Variants in PTPRK observed in about 807,000 individuals in gnomAD.
PTPRK encodes the protein receptor-type tyrosine-protein phosphatase kappa.
PTPRK carries 75 observed loss-of-function variants against 178.0 expected under a neutral mutation model. That is an observed-to-expected ratio of 0.42 (90% CI 0.35 to 0.51). The LOEUF (loss-of-function observed/expected upper bound fraction) is 0.51, where lower values mean the gene tolerates loss of function less well. Among genes scored for constraint, PTPRK ranks in the 20% least tolerant of loss-of-function variants. The pLI is 0.02. For synonymous variants in PTPRK, 637 were observed against 620.6 expected (o/e 1.03, Z -0.39); for missense variants, 1,441 against 1,797.8 (o/e 0.80, Z 3.59).
At chr6:128,360,660 C>CCCTG (rs1471502434) in intron 2 of PTPRK, among the ~76,000 whole-genome samples, 1 of 151,936 alleles carries the variant, frequency 6.6e-6, no homozygotes, top group Admixed American at 6.6e-5. Context: ...TGTTCATAAT[C>CCCTG]CAGGACCTAA....
chr6:128,482,110 G>T, intron 1 of PTPRK, among the ~76,000 whole-genome samples: 1 of 152,030 alleles, frequency 6.6e-6, no homozygotes, highest in East Asian at 1.9e-4. Flanking sequence ...TTTAGGACTT[G>T]CCCCTAGCAG....
chr6:128,169,122 G>C (rs1320422260), intron 7 of PTPRK, among the ~76,000 whole-genome samples: 3 of 151,982 alleles, frequency 2.0e-5, no homozygotes, highest in East Asian at 3.9e-4. Flanking sequence ...ACATTAAGTA[G>C]ACAGACAAAA....
At chr6:128,137,089 TATAACC>T (rs1387156318) in intron 7 of PTPRK, among the ~76,000 whole-genome samples, 1 of 152,186 alleles carries the variant, frequency 6.6e-6, no homozygotes, top group Admixed American at 6.5e-5. Flanking sequence ...GGGGACAAAA[TATAACC>T]ATGTCCCCTC....
At chr6:128,387,035 T>C (rs912857649) in intron 2 of PTPRK, among the ~76,000 whole-genome samples, 6 of 152,146 alleles carry the variant, frequency 3.9e-5, no homozygotes, top group Non-Finnish European at 8.8e-5. Flanking sequence ...ACCACTGCAC[T>C]CCAGCCTGGG....
intron 1 of PTPRK, among the ~76,000 whole-genome samples, chr6:128,458,013 C>A (rs1341597): frequency 0.051 from 7,751 of 152,174 alleles, 327 homozygotes; most frequent in African/African-American, 0.12. Context: ...ACACCTTATA[C>A]TGTCAAATAT....
rs1812461944 is a variant in PTPRK, at chr6:128,232,437, A to G, written c.693+7598T>C. Among the ~76,000 whole-genome samples the G allele has an allele frequency of 2.6e-5, 4 of 152,286 alleles. No individual in the cohort carries two copies. The South Asian group carries it at 8.3e-4, about 32-fold the overall frequency. Reference sequence around the variant, plus strand: ...AGGCTCAAATGTCTTCTACATCTCTAGCATATGCTTACCCAGATTATGCTT... The same window carrying G: ...AGGCTCAAATGTCTTCTACATCTCTGGCATATGCTTACCCAGATTATGCTT... On this transcript the variant is annotated intron_variant, in intron 5 of 29. Coordinates refer to ENST00000368226, the MANE Select transcript of PTPRK (RefSeq NM_002844.4).
intron 13 of PTPRK, 84 bp downstream of exon 13, chr6:128,064,673 TA>T: frequency 3.4e-6 from 5 of 1,489,176 alleles, no homozygotes. Flanking sequence ...ATGTCATATT[TA>T]GCCCTGAAGC....
intron 13 of PTPRK, among the ~76,000 whole-genome samples, chr6:128,015,319 T>G (rs778251431): frequency 6.6e-6 from 1 of 151,946 alleles, no homozygotes; most frequent in East Asian, 1.9e-4. Flanking sequence ...ATGTGCATAT[T>G]AATTTTTCAT....
At chr6:128,359,041 T>C (rs770471757) in intron 2 of PTPRK, among the ~76,000 whole-genome samples, 4 of 152,292 alleles carry the variant, frequency 2.6e-5, no homozygotes, top group East Asian at 1.9e-4. Context: ...CTGTAGACAA[T>C]ACCCTAATTG....
chr6:128,476,584 T>C (rs17055897), intron 1 of PTPRK, among the ~76,000 whole-genome samples: 7,335 of 152,056 alleles, frequency 0.048, 459 homozygotes, highest in African/African-American at 0.14. Context: ...TGGAGAATCA[T>C]AAAGTCATTT....
At chr6:128,467,409 A>G (rs1359175541) in intron 1 of PTPRK, among the ~76,000 whole-genome samples, 1 of 152,216 alleles carries the variant, frequency 6.6e-6, no homozygotes, top group Non-Finnish European at 1.5e-5. Flanking sequence ...GAATTCTACA[A>G]AATAGCAAAT....
intron 5 of PTPRK, among the ~76,000 whole-genome samples, chr6:128,229,878 C>A (rs1315921656): frequency 1.3e-5 from 2 of 152,136 alleles, no homozygotes; most frequent in African/African-American, 4.8e-5. Flanking sequence ...ATGTATTTTC[C>A]CTTTCCTTAA....
At chr6:128,288,672 A>C (rs1340162276) in intron 3 of PTPRK, among the ~76,000 whole-genome samples, 1 of 152,274 alleles carries the variant, frequency 6.6e-6, no homozygotes, top group East Asian at 1.9e-4. Context: ...AAACAAGAAC[A>C]TTTGAAACCT....
intron 14 of PTPRK, chr6:128,005,999 G>A: frequency 6.6e-7 from 1 of 1,518,898 alleles, no homozygotes; most frequent in Non-Finnish European, 9.0e-7. Context: ...CACACGTAAA[G>A]TTGTACATCA....
At chr6:128,400,677 C>A (rs1161114061) in intron 1 of PTPRK, among the ~76,000 whole-genome samples, 2 of 152,144 alleles carry the variant, frequency 1.3e-5, no homozygotes, top group African/African-American at 4.8e-5. Context: ...ATATACAGTT[C>A]CTATTGACCA....
At chr6:128,295,187 T>G (rs1252638252) in intron 3 of PTPRK, among the ~76,000 whole-genome samples, 1 of 152,124 alleles carries the variant, frequency 6.6e-6, no homozygotes, top group East Asian at 1.9e-4. Flanking sequence ...CCTTCAACTT[T>G]AAAATAATTT....
At chr6:128,200,615 T>C (rs1805722342) in intron 6 of PTPRK, among the ~76,000 whole-genome samples, 1 of 151,520 alleles carries the variant, frequency 6.6e-6, no homozygotes, top group Admixed American at 6.6e-5. Context: ...TCAGCTATCG[T>C]CTTAGCTACT....
chr6:128,400,475 T>A (rs1840877432), intron 1 of PTPRK, among the ~76,000 whole-genome samples: 1 of 152,076 alleles, frequency 6.6e-6, no homozygotes, highest in African/African-American at 2.4e-5. Flanking sequence ...AAAAAGGAGT[T>A]TAGAGTTTGT....
chr6:127,990,231 A>T (rs777819644), intron 21 of PTPRK, among the ~76,000 whole-genome samples: 2 of 152,030 alleles, frequency 1.3e-5, no homozygotes, highest in Non-Finnish European at 2.9e-5. Flanking sequence ...ACTTATGGAT[A>T]TCTGCACATC....
Sources: gnomAD v4.1 joint callset for allele counts (sites outside exome capture counted in the v4.1 genomes callset) on GRCh38, gnomAD v4.1.1 for gene constraint, MANE v1.5 for transcripts, NCBI Gene and HGNC (gene_info 2026-07-23, HGNC 2026-07-21) for gene names.